The following BMPR1B variants were observed in gnomAD, a reference collection of about 807,000 sequenced individuals.
BMPR1B encodes bone morphogenetic protein receptor type 1B.
BMPR1B carries 12 observed loss-of-function variants against 59.1 expected under a neutral mutation model. That is an observed-to-expected ratio of 0.20 (90% CI 0.13 to 0.33). The LOEUF is 0.33. Ranked by LOEUF, BMPR1B falls within the 10% of genes least tolerant of loss-of-function variation. The pLI, the probability that BMPR1B is intolerant of heterozygous loss-of-function variation, is 1.00. For synonymous variants in BMPR1B, 237 were observed against 207.3 expected (o/e 1.14, Z -1.23); for missense variants, 550 against 610.9 (o/e 0.90, Z 1.05).
intron 1 of BMPR1B, among the ~76,000 whole-genome samples, chr4:94,772,814 T>C (rs182863864): frequency 2.0e-5 from 3 of 152,300 alleles, no homozygotes; most frequent in Admixed American, 6.5e-5. Context: ...TCTGCGACTT[T>C]GTGTATTCTG....
chr4:94,973,372 G>T (rs768070297), intron 2 of BMPR1B, among the ~76,000 whole-genome samples: 1 of 152,210 alleles, frequency 6.6e-6, no homozygotes, highest in Non-Finnish European at 1.5e-5. Flanking sequence ...GATGGTAACT[G>T]TGGGGAATTT....
chr4:94,773,544 A>G (rs575203792), intron 1 of BMPR1B, among the ~76,000 whole-genome samples: 1 of 152,250 alleles, frequency 6.6e-6, no homozygotes, highest in South Asian at 2.1e-4. Context: ...TAATTCTGCC[A>G]CAATAAATAC....
chr4:95,130,722 T>C (rs1579129679), intron 9 of BMPR1B, among the ~76,000 whole-genome samples: 2 of 124,942 alleles, frequency 1.6e-5, no homozygotes, highest in Admixed American at 9.5e-5. Flanking sequence ...TCTTTTCTTT[T>C]CTTTTTTTTT....
intron 6 of BMPR1B, among the ~76,000 whole-genome samples, chr4:95,122,330 TG>T (rs1732590831): frequency 6.8e-6 from 1 of 146,238 alleles, no homozygotes; most frequent in Non-Finnish European, 1.5e-5. Flanking sequence ...AGGAAGATCC[TG>T]TATCAAAAAA....
At chr4:95,082,673 T>C (rs1163698168) in intron 3 of BMPR1B, among the ~76,000 whole-genome samples, 1 of 152,190 alleles carries the variant, frequency 6.6e-6, no homozygotes, top group Non-Finnish European at 1.5e-5. Context: ...ATCCTTGTTT[T>C]ATTAACGTAA....
intron 3 of BMPR1B, among the ~76,000 whole-genome samples, chr4:95,033,790 CA>C (rs1266270047): frequency 2.0e-5 from 3 of 151,956 alleles, no homozygotes; most frequent in Non-Finnish European, 4.4e-5. Context: ...TTAAAGATAT[CA>C]AAGATAGATA....
At chr4:94,945,196 A>G (rs1034229287) in intron 2 of BMPR1B, among the ~76,000 whole-genome samples, 6 of 152,364 alleles carry the variant, frequency 3.9e-5, no homozygotes, top group Admixed American at 3.3e-4. Flanking sequence ...GTTTATGTCA[A>G]TAGATGTGGC....
intron 3 of BMPR1B, among the ~76,000 whole-genome samples, chr4:95,017,610 T>C (rs1218194064): frequency 1.3e-5 from 2 of 152,238 alleles, no homozygotes; most frequent in African/African-American, 4.8e-5. Flanking sequence ...ATCTTGGCAC[T>C]TAGCATCAGT....
intron 1 of BMPR1B, among the ~76,000 whole-genome samples, chr4:94,830,585 T>G (rs1386897184): frequency 6.6e-6 from 1 of 152,186 alleles, no homozygotes; most frequent in African/African-American, 2.4e-5. Flanking sequence ...AACTTACTTC[T>G]AGATACTACC....
chr4:94,797,982 A>G (rs1201045917), intron 1 of BMPR1B, among the ~76,000 whole-genome samples: 1 of 152,226 alleles, frequency 6.6e-6, no homozygotes, highest in Non-Finnish European at 1.5e-5. Context: ...ACGGCATATA[A>G]TGCACTGTTT....
chr4:95,028,227 T>C (rs1724561623), intron 3 of BMPR1B, among the ~76,000 whole-genome samples: 1 of 152,168 alleles, frequency 6.6e-6, no homozygotes, highest in Non-Finnish European at 1.5e-5. Flanking sequence ...TAAGTATAGC[T>C]CAGTAAAGCA....
At chr4:94,800,068 T>C (rs1351506575) in intron 1 of BMPR1B, among the ~76,000 whole-genome samples, 1 of 152,224 alleles carries the variant, frequency 6.6e-6, no homozygotes, top group Non-Finnish European at 1.5e-5. Flanking sequence ...GTTCTCTATT[T>C]ATGTAGAACT....
At chr4:94,980,273 T>C (rs935107916) in intron 2 of BMPR1B, among the ~76,000 whole-genome samples, 4 of 152,206 alleles carry the variant, frequency 2.6e-5, no homozygotes. Context: ...TTCTAAAATA[T>C]AGGCAAAGCA....
intron 1 of BMPR1B, among the ~76,000 whole-genome samples, chr4:94,829,247 T>A (rs1190098648): frequency 6.6e-6 from 1 of 152,122 alleles, no homozygotes; most frequent in African/African-American, 2.4e-5. Context: ...TTAAGCTTTC[T>A]CTCTCAATTT....
In BMPR1B at chr4:95,017,097, A is replaced by T. The variant is rs566772706; in HGVS notation, c.-18+20963A>T. On this transcript the variant is annotated intron_variant, in intron 3 of 12. Transcript: ENST00000515059. ...CCTCCCCACGAAGACTCAGCTGTTT[A>T]TCCACTGTGTACTCTTTCCTTAACC... Among the ~76,000 whole-genome samples the T allele has an allele frequency of 2.0e-5, 3 of 152,250 alleles. No homozygotes were observed. In the East Asian group the frequency reaches 5.8e-4, roughly 29 times the overall value.
chr4:94,893,827 C>T (rs554163484), intron 2 of BMPR1B, among the ~76,000 whole-genome samples: 1 of 152,076 alleles, frequency 6.6e-6, no homozygotes, highest in East Asian at 1.9e-4. Flanking sequence ...GAACCCACTG[C>T]TGCGTGGCAG....
intron 2 of BMPR1B, among the ~76,000 whole-genome samples, chr4:94,897,339 A>G (rs1727627153): frequency 1.3e-5 from 2 of 152,034 alleles, no homozygotes; most frequent in African/African-American, 2.4e-5. Context: ...TGACTCATGG[A>G]TATTCAAAAT....
intron 1 of BMPR1B, among the ~76,000 whole-genome samples, chr4:94,829,331 T>TA (rs1456229673): frequency 6.6e-6 from 1 of 150,980 alleles, no homozygotes; most frequent in African/African-American, 2.4e-5. Flanking sequence ...ATTTTCCTTT[T>TA]TTTTTTTTTT....
chr4:95,129,771 A>T (rs751140382), intron 8 of BMPR1B, 91 bp from the exon 9 acceptor site: 2 of 1,236,368 alleles, frequency 1.6e-6, no homozygotes, highest in Admixed American at 2.0e-5. Flanking sequence ...TATATTTTAC[A>T]TGCAGTAATC....
Sources: gnomAD v4.1 joint callset for allele counts (sites outside exome capture counted in the v4.1 genomes callset) on GRCh38, gnomAD v4.1.1 for gene constraint, MANE v1.5 for transcripts, NCBI Gene and HGNC (gene_info 2026-07-23, HGNC 2026-07-21) for gene names.